SCD5: variants seen among roughly 807,000 people sequenced by gnomAD.
The protein encoded by SCD5 is stearoyl-CoA desaturase 5.
A neutral mutation model predicts 30.4 loss-of-function variants in SCD5; 20 were observed. That is an observed-to-expected ratio of 0.66 (90% CI 0.46 to 0.96). The LOEUF is 0.96. Ranked by LOEUF, SCD5 falls within the 40% of genes least tolerant of loss-of-function variation. The pLI is 0.00. For synonymous variants in SCD5, 173 were observed against 176.4 expected (o/e 0.98, Z 0.16); for missense variants, 381 against 443.3 (o/e 0.86, Z 1.26).
chr4:82,748,221 C>T (rs62311828), intron 1 of SCD5, among the ~76,000 whole-genome samples: 10,486 of 151,922 alleles, frequency 0.069, 476 homozygotes, highest in East Asian at 0.15. Context: ...GAAAGGGAAA[C>T]GATGAAAAGG....
intron 3 of SCD5, among the ~76,000 whole-genome samples, chr4:82,637,528 AC>A (rs1356181036): frequency 6.6e-6 from 1 of 152,236 alleles, no homozygotes; most frequent in East Asian, 1.9e-4. Context: ...TGCTGGCAAT[AC>A]AAAGACAAGT....
At chr4:82,688,687 T>C (rs1020449249) in intron 2 of SCD5, among the ~76,000 whole-genome samples, 6 of 152,186 alleles carry the variant, frequency 3.9e-5, no homozygotes, top group African/African-American at 1.4e-4. Context: ...TGCCTTCATG[T>C]GGCACTTGGT....
At chr4:82,635,135 A>T (rs572513155) in intron 4 of SCD5, among the ~76,000 whole-genome samples, 1 of 152,190 alleles carries the variant, frequency 6.6e-6, no homozygotes, top group Non-Finnish European at 1.5e-5. Context: ...TCAGCTTACC[A>T]AGAAGTCTGA....
intron 1 of SCD5, among the ~76,000 whole-genome samples, chr4:82,794,460 C>T (rs956752832): frequency 1.1e-4 from 16 of 152,072 alleles, no homozygotes; most frequent in African/African-American, 3.1e-4. Flanking sequence ...GGGGAGGCTC[C>T]GCTGGGAAGC....
At chr4:82,789,749 C>T (rs1321381297) in intron 1 of SCD5, among the ~76,000 whole-genome samples, 1 of 152,150 alleles carries the variant, frequency 6.6e-6, no homozygotes, top group East Asian at 1.9e-4. Context: ...TGAAGGAGGG[C>T]AGATCCATCT....
At chr4:82,664,486 T>C (rs186248235) in intron 3 of SCD5, among the ~76,000 whole-genome samples, 2 of 152,256 alleles carry the variant, frequency 1.3e-5, no homozygotes, top group African/African-American at 4.8e-5. Flanking sequence ...AAGTAATTAA[T>C]AGAACCATTC....
intron 3 of SCD5, among the ~76,000 whole-genome samples, chr4:82,655,745 G>A (rs1727856264): frequency 6.6e-6 from 1 of 152,298 alleles, no homozygotes; most frequent in Admixed American, 6.5e-5. Flanking sequence ...ACTTTCACAT[G>A]TATTAACTAA....
At chr4:82,753,710 C>G (rs992610308) in intron 1 of SCD5, among the ~76,000 whole-genome samples, 1 of 152,078 alleles carries the variant, frequency 6.6e-6, no homozygotes, top group African/African-American at 2.4e-5. Context: ...TTAAATGCAT[C>G]CATATTTGCC....
At chr4:82,638,094 T>A (rs1320695905) in intron 3 of SCD5, among the ~76,000 whole-genome samples, 1 of 151,980 alleles carries the variant, frequency 6.6e-6, no homozygotes, top group Non-Finnish European at 1.5e-5. Flanking sequence ...GAACATGCGG[T>A]GTTTGGTTTT....
At chr4:82,660,683 T>C (rs1357276784) in intron 3 of SCD5, 2 of 1,421,808 alleles carry the variant, frequency 1.4e-6, no homozygotes, top group African/African-American at 2.9e-5. Flanking sequence ...TTTTTGATTT[T>C]AGGACCATAT....
intron 2 of SCD5, among the ~76,000 whole-genome samples, chr4:82,697,314 C>T (rs908144930): frequency 2.0e-5 from 3 of 152,220 alleles, no homozygotes; most frequent in South Asian, 2.1e-4. Context: ...CAAATAAAAA[C>T]TCTTTAAAGT....
intron 1 of SCD5, among the ~76,000 whole-genome samples, chr4:82,793,806 G>C (rs533579539): frequency 6.6e-6 from 1 of 152,146 alleles, no homozygotes; most frequent in African/African-American, 2.4e-5. Context: ...CATTCAGCTG[G>C]TAAGTAAGTA....
chr4:82,792,947 A>C (rs1486574390), intron 1 of SCD5, among the ~76,000 whole-genome samples: 1 of 152,164 alleles, frequency 6.6e-6, no homozygotes, highest in Non-Finnish European at 1.5e-5. Context: ...TTTGTTTTAA[A>C]ATTGAGTTAA....
rs10701664 is a variant in SCD5, at chr4:82,702,130, C to CTTTTTTTTTTTTTTT, written c.363+3138_363+3152dup. ...TCAGGCATTCCTGCCCCATCATCAT[C>CTTTTTTTTTTTTTTT]TTTTTTTTTTTTTTTTTTTTTTTTT... On this transcript the variant is annotated intron_variant, in intron 2 of 4. Coordinates refer to ENST00000319540, the MANE Select transcript of SCD5 (RefSeq NM_001037582.3). Among the ~76,000 whole-genome samples, 51 of 64,116 alleles carry CTTTTTTTTTTTTTTT rather than the reference C, an allele frequency of 8.0e-4. 5 individuals are homozygous for CTTTTTTTTTTTTTTT. Among genetic ancestry groups the CTTTTTTTTTTTTTTT allele is most frequent in the East Asian group, 5.2e-3 (6 of 1,146 alleles). The allele number at this position is 64,116 out of a possible 152,430, so 42.1% of individuals were successfully genotyped here. A position where few individuals can be genotyped will look rare whatever the true frequency, so the allele number is the denominator to read the frequency against.
At chr4:82,650,593 G>A (rs1727731583) in intron 3 of SCD5, among the ~76,000 whole-genome samples, 1 of 152,172 alleles carries the variant, frequency 6.6e-6, no homozygotes, top group Non-Finnish European at 1.5e-5. Context: ...CTATTCTGGA[G>A]GCTGAGGCAG....
chr4:82,784,275 G>A (rs555857240), intron 1 of SCD5, among the ~76,000 whole-genome samples: 1 of 152,152 alleles, frequency 6.6e-6, no homozygotes, highest in African/African-American at 2.4e-5. Flanking sequence ...CCTATACAAC[G>A]CTTCAGGTGA....
intron 1 of SCD5, among the ~76,000 whole-genome samples, chr4:82,746,378 T>C (rs1467135472): frequency 6.6e-6 from 1 of 152,222 alleles, no homozygotes; most frequent in East Asian, 1.9e-4. Flanking sequence ...TGAGACTCCA[T>C]AAATGTGTCT....
intron 2 of SCD5, among the ~76,000 whole-genome samples, chr4:82,685,419 A>C (rs1368510725): frequency 6.6e-6 from 1 of 152,174 alleles, no homozygotes; most frequent in Non-Finnish European, 1.5e-5. Context: ...AATAAAATAA[A>C]AGGTGAAAAG....
intron 1 of SCD5, among the ~76,000 whole-genome samples, chr4:82,724,918 GA>G (rs569111359): frequency 1.2e-4 from 19 of 152,108 alleles, no homozygotes; most frequent in Non-Finnish European, 2.4e-4. Flanking sequence ...TTTTCCTAAT[GA>G]ACATAATAAA....
Sources: allele counts gnomAD v4.1 joint callset (sites outside exome capture counted in the v4.1 genomes callset), GRCh38; gene constraint gnomAD v4.1.1; transcripts MANE v1.5; gene names NCBI Gene and HGNC (gene_info 2026-07-23, HGNC 2026-07-21).